LRRC7: variants seen among roughly 807,000 people sequenced by gnomAD.
LRRC7 encodes leucine rich repeat containing 7, also known as leucine-rich repeat-containing protein 7.
LRRC7 carries 23 observed loss-of-function variants against 175.7 expected under a neutral mutation model. The ratio of observed to expected loss-of-function variants is 0.13; its 90% CI spans 0.09 to 0.19. LRRC7 has a LOEUF of 0.19. Among genes scored for constraint, LRRC7 ranks in the 10% least tolerant of loss-of-function variants. LRRC7 has a pLI of 1.00. For missense variants in LRRC7, 1,354 were observed against 1,904.7 expected (o/e 0.71, Z 5.38); for synonymous variants, 685 against 680.9 (o/e 1.01, Z -0.09).
At chr1:69,657,095 T>TTAGATACTTATA (rs1656708324) in intron 1 of LRRC7, among the ~76,000 whole-genome samples, 1 of 151,676 alleles carries the variant, frequency 6.6e-6, no homozygotes, top group Admixed American at 6.6e-5. Flanking sequence ...AAACCCCAAA[T>TTAGATACTTATA]TAGATACTTA....
chr1:69,748,834 T>C (rs1368328298), intron 2 of LRRC7, among the ~76,000 whole-genome samples: 1 of 152,150 alleles, frequency 6.6e-6, no homozygotes, highest in Non-Finnish European at 1.5e-5. Flanking sequence ...TGCTCTTTTA[T>C]TCTGTGTCTT....
At chr1:69,820,086 T>C (rs894140905) in intron 4 of LRRC7, among the ~76,000 whole-genome samples, 4 of 152,086 alleles carry the variant, frequency 2.6e-5, no homozygotes, top group African/African-American at 9.7e-5. Flanking sequence ...TTTTTTCTGA[T>C]TGTTTTATAG....
At chr1:70,000,167 A>T (rs1393972346) in intron 11 of LRRC7, among the ~76,000 whole-genome samples, 1 of 152,230 alleles carries the variant, frequency 6.6e-6, no homozygotes, top group African/African-American at 2.4e-5. Context: ...CAGAAGTTTT[A>T]TTATAAAATG....
chr1:69,812,165 G>A (rs1453174687), intron 4 of LRRC7, among the ~76,000 whole-genome samples: 1 of 152,082 alleles, frequency 6.6e-6, no homozygotes, highest in East Asian at 1.9e-4. Context: ...GAAAGTTAAG[G>A]TTGTTTGTAT....
intron 23 of LRRC7, among the ~76,000 whole-genome samples, chr1:70,072,624 G>A (rs1369286233): frequency 1.3e-5 from 2 of 150,586 alleles, no homozygotes; most frequent in Non-Finnish European, 3.0e-5. Context: ...GCTGCTAACA[G>A]AATGACTTTA....
At chr1:69,693,433 A>G (rs973050743) in intron 2 of LRRC7, among the ~76,000 whole-genome samples, 1 of 152,216 alleles carries the variant, frequency 6.6e-6, no homozygotes, top group Non-Finnish European at 1.5e-5. Context: ...GAGACAGGCA[A>G]GTCCAAAATC....
At chr1:69,737,271 C>T (rs991361277) in intron 2 of LRRC7, among the ~76,000 whole-genome samples, 8 of 151,956 alleles carry the variant, frequency 5.3e-5, no homozygotes, top group African/African-American at 1.9e-4. Context: ...ATGGGTTTTT[C>T]CCATGCTGTT....
intron 7 of LRRC7, among the ~76,000 whole-genome samples, chr1:69,886,681 G>C (rs892469187): frequency 6.8e-6 from 1 of 146,774 alleles, no homozygotes; most frequent in African/African-American, 2.6e-5. Context: ...TGGTGATTTT[G>C]CTCATTAGTT....
At chr1:69,957,284 C>T (rs1182077181) in intron 8 of LRRC7, among the ~76,000 whole-genome samples, 2 of 151,716 alleles carry the variant, frequency 1.3e-5, no homozygotes, top group Non-Finnish European at 2.9e-5. Flanking sequence ...TATTTTTCTA[C>T]CAAACACACA....
At chr1:69,714,268 C>T (rs1050192422) in intron 2 of LRRC7, among the ~76,000 whole-genome samples, 1 of 152,030 alleles carries the variant, frequency 6.6e-6, no homozygotes, top group Non-Finnish European at 1.5e-5. Context: ...AAAATTTGTC[C>T]AGTTTAATAC....
intron 4 of LRRC7, among the ~76,000 whole-genome samples, chr1:69,816,170 G>C (rs1678573515): frequency 6.6e-6 from 1 of 151,830 alleles, no homozygotes; most frequent in Non-Finnish European, 1.5e-5. Context: ...TACAGACGGG[G>C]TTTCACCATG....
intron 2 of LRRC7, among the ~76,000 whole-genome samples, chr1:69,706,867 A>T (rs992590209): frequency 6.6e-6 from 1 of 152,194 alleles, no homozygotes; most frequent in African/African-American, 2.4e-5. Context: ...TTATTCATTG[A>T]TTCAACAAAT....
intron 5 of LRRC7, among the ~76,000 whole-genome samples, chr1:69,832,630 GA>G (rs1033355544): frequency 2.6e-5 from 4 of 152,148 alleles, no homozygotes; most frequent in African/African-American, 9.6e-5. Context: ...GAAGGACATG[GA>G]AAAATGGTGG....
At position 69,761,316 on chromosome 1, in the gene LRRC7, A is replaced by G. The variant is rs559523928; in HGVS notation, c.303+923A>G. On this transcript the variant is annotated intron_variant, in intron 3 of 26. Transcript: ENST00000651989. ...TAAATATGCAGTAATCAGAAAAAGA[A>G]TCTTCCACAATAAAAACTTGAAATT... Among the ~76,000 whole-genome samples, 5 of 152,186 alleles carry G rather than the reference A, an allele frequency of 3.3e-5. No individual in the cohort carries two copies. In the East Asian group the frequency reaches 9.7e-4, roughly 29 times the overall value.
chr1:69,910,450 T>A (rs1317850385), intron 7 of LRRC7, among the ~76,000 whole-genome samples: 3 of 152,190 alleles, frequency 2.0e-5, no homozygotes, highest in African/African-American at 2.4e-5. Flanking sequence ...AGAGGTCCAC[T>A]CCAGACCCTG....
intron 7 of LRRC7, among the ~76,000 whole-genome samples, chr1:69,857,647 G>C (rs1205607237): frequency 6.6e-6 from 1 of 152,120 alleles, no homozygotes; most frequent in Non-Finnish European, 1.5e-5. Context: ...CATACTCATG[G>C]ATAGGAAGAA....
chr1:70,042,441 A>G (rs1659991190), intron 21 of LRRC7, among the ~76,000 whole-genome samples: 1 of 152,230 alleles, frequency 6.6e-6, no homozygotes, highest in African/African-American at 2.4e-5. Flanking sequence ...TCTACGTAAA[A>G]GACAATTGCC....
chr1:70,068,695 G>A (rs77294643), intron 23 of LRRC7, among the ~76,000 whole-genome samples: 4,395 of 151,994 alleles, frequency 0.029, 179 homozygotes, highest in Middle Eastern at 0.099. Context: ...TTCTGAAAGC[G>A]ATTGTGTAGA....
chr1:70,110,908 C>T (rs1208228948), intron 26 of LRRC7, among the ~76,000 whole-genome samples: 6 of 152,202 alleles, frequency 3.9e-5, no homozygotes, highest in Non-Finnish European at 4.4e-5. Flanking sequence ...ATACTATTGT[C>T]TCTTAGTTTA....
Sources: allele counts gnomAD v4.1 joint callset (sites outside exome capture counted in the v4.1 genomes callset), GRCh38; gene constraint gnomAD v4.1.1; transcripts MANE v1.5; gene names NCBI Gene and HGNC (gene_info 2026-07-23, HGNC 2026-07-21).